CDK13: variants seen among roughly 807,000 people sequenced by gnomAD.
CDK13 encodes cyclin dependent kinase 13, also known as cyclin-dependent kinase 13.
In CDK13, 40 loss-of-function variants were observed where a neutral mutation model predicts 137.6. The ratio of observed to expected loss-of-function variants is 0.29; its 90% confidence interval spans 0.23 to 0.38. CDK13 has a LOEUF of 0.38. Ranked by LOEUF, CDK13 falls within the 10% of genes least tolerant of loss-of-function variation. CDK13 has a pLI of 1.00. For synonymous variants in CDK13, 869 were observed against 760.1 expected (o/e 1.14, Z -2.36); for missense variants, 1,704 against 1,951.8 (o/e 0.87, Z 2.39).
rs1787084600 is a variant in CDK13 at position 40,098,258 on chromosome 7, TGAA to T, written c.*3279_*3281del. ...AAATATCAAGACTTCTTGAGAAAAA[TGAA>T]AAGTGAATACATAAATGCTTAAAAT... On this transcript the variant is annotated 3_prime_UTR_variant, in exon 14 of 14. Coordinates refer to ENST00000181839, the MANE Select transcript of CDK13 (RefSeq NM_003718.5). The T allele has an allele frequency of 3.9e-5, 6 of 152,220 alleles. No homozygotes were observed. In the South Asian group the frequency reaches 1.2e-3, roughly 32 times the overall value. 9.4% of individuals were successfully genotyped at this position (152,220 alleles called of 1,614,324 possible).
intron 11 of CDK13, among the ~76,000 whole-genome samples, chr7:40,087,131 T>C (rs1786805514): frequency 6.6e-6 from 1 of 152,010 alleles, no homozygotes; most frequent in Admixed American, 6.6e-5. Flanking sequence ...CCATATCTGG[T>C]TTCTGCAAAT....
intron 1 of CDK13, among the ~76,000 whole-genome samples, chr7:39,955,773 A>G (rs767177436): frequency 2.7e-4 from 41 of 152,238 alleles, no homozygotes; most frequent in Non-Finnish European, 3.8e-4. Context: ...CATTTCTTGA[A>G]GACATTAATT....
At chr7:39,966,757 T>G (rs1783881301) in intron 1 of CDK13, among the ~76,000 whole-genome samples, 1 of 152,134 alleles carries the variant, frequency 6.6e-6, no homozygotes. Flanking sequence ...CTACCTTTGG[T>G]CTTTGATGAT....
intron 11 of CDK13, among the ~76,000 whole-genome samples, chr7:40,079,291 C>T (rs1332691004): frequency 1.3e-5 from 2 of 152,042 alleles, no homozygotes; most frequent in African/African-American, 4.8e-5. Flanking sequence ...TGGTGGCAGG[C>T]GCCTGTAATC....
At chr7:39,993,241 C>G (rs1160784572) in intron 2 of CDK13, among the ~76,000 whole-genome samples, 4 of 152,098 alleles carry the variant, frequency 2.6e-5, no homozygotes, top group African/African-American at 9.7e-5. Flanking sequence ...ATTAGCTGGC[C>G]TTGTTTTGTA....
chr7:39,959,057 C>T (rs1271955115), intron 1 of CDK13, among the ~76,000 whole-genome samples: 1 of 152,140 alleles, frequency 6.6e-6, no homozygotes, highest in Non-Finnish European at 1.5e-5. Flanking sequence ...TTCCAAAGTG[C>T]TGGGATTATA....
intron 1 of CDK13, among the ~76,000 whole-genome samples, chr7:39,968,222 G>A (rs1783915189): frequency 6.6e-6 from 1 of 152,144 alleles, no homozygotes; most frequent in East Asian, 1.9e-4. Flanking sequence ...CTTTGCAGAG[G>A]CTTTTTAATT....
intron 5 of CDK13, among the ~76,000 whole-genome samples, chr7:40,035,798 C>G (rs1249314931): frequency 7.5e-6 from 1 of 132,592 alleles, no homozygotes; most frequent in African/African-American, 2.7e-5. Context: ...ATCCCCCCAT[C>G]CCCAGTCCAT....
chr7:40,015,098 A>G (rs888608295), intron 5 of CDK13, among the ~76,000 whole-genome samples: 2 of 152,258 alleles, frequency 1.3e-5, no homozygotes, highest in Non-Finnish European at 2.9e-5. Flanking sequence ...TTAAAGGAAA[A>G]AAGCTCAAAT....
chr7:40,077,215 A>G (rs1021620802), intron 9 of CDK13, among the ~76,000 whole-genome samples: 1 of 152,192 alleles, frequency 6.6e-6, no homozygotes, highest in African/African-American at 2.4e-5. Flanking sequence ...GGGTCCTTCC[A>G]TTGATGGCAG....
chr7:39,957,393 T>C (rs1385222556), intron 1 of CDK13, among the ~76,000 whole-genome samples: 1 of 147,232 alleles, frequency 6.8e-6, no homozygotes, highest in East Asian at 1.9e-4. Flanking sequence ...GCTGCCTTTG[T>C]GTTTTCCCTA....
chr7:39,963,230 A>G lies in CDK13; in HGVS notation c.1211+11378A>G, dbSNP rs1458329966. Among the ~76,000 whole-genome samples the G allele has an allele frequency of 3.3e-5, 5 of 152,218 alleles. No homozygotes were observed. The South Asian group carries it at 6.2e-4, about 19-fold the overall frequency. ...TACCTTGGGCAGTATGGCCATTTTC[A>G]TGATATTGATTCTTCCTACCCATGA... On this transcript the variant is annotated intron_variant, in intron 1 of 13. Coordinates refer to ENST00000181839, the MANE Select transcript of CDK13 (RefSeq NM_003718.5).
At chr7:40,015,756 A>C (rs979562262) in intron 5 of CDK13, among the ~76,000 whole-genome samples, 2 of 152,204 alleles carry the variant, frequency 1.3e-5, no homozygotes, top group African/African-American at 4.8e-5. Flanking sequence ...AGTTTAAAAA[A>C]AAAATTTTTT....
intron 11 of CDK13, among the ~76,000 whole-genome samples, chr7:40,082,140 A>G (rs1165940165): frequency 6.6e-6 from 1 of 152,162 alleles, no homozygotes. Flanking sequence ...TGTCATAGTT[A>G]TATCACTGAG....
rs779234602 is a variant in CDK13 at position 39,987,800 on chromosome 7, G to A, written c.1413G>A (p.Ala471=). The change falls in exon 2 of 14, where the codon GCG becomes GCA. Residue 471 remains alanine (A), a synonymous_variant. Coordinates refer to ENST00000181839, the MANE Select transcript of CDK13 (RefSeq NM_003718.5). ...AGGCAGCAAGAGCCGCAGAAGCAGC[G>A]AAAGCTGCAGAAGCAACTAAGGCTG... The part of the protein sequence containing the change: ...AAEAARAAEA[A]KAAEATKAAE... 2.0e-5 allele frequency: 32 copies of A among 1,613,610 alleles called. No individual in the cohort carries two copies. The highest frequency in any genetic ancestry group is 1.9e-4 in the South Asian group (17 of 91,038).
rs192198143 is a variant in CDK13, at chr7:39,960,957, A to G, written c.1211+9105A>G. ...TTACCTGTGGAGGGCTTCAATCAAG[A>G]TAATTAAGAAATCAGTCACATCACA... On this transcript the variant is annotated intron_variant, in intron 1 of 13. Transcript: ENST00000181839. Among the ~76,000 whole-genome samples, 524 of 152,358 alleles carry G rather than the reference A, an allele frequency of 3.4e-3. 2 individuals are homozygous for G. Among genetic ancestry groups the G allele is most frequent in the Non-Finnish European group, 6.4e-3 (435 of 68,024 alleles).
At chr7:39,953,107 A>C (rs1336497170) in intron 1 of CDK13, among the ~76,000 whole-genome samples, 1 of 152,200 alleles carries the variant, frequency 6.6e-6, no homozygotes, top group Non-Finnish European at 1.5e-5. Context: ...CAAAATTAGC[A>C]GACCTTTTTG....
chr7:40,060,539 A>T (rs779623348), intron 7 of CDK13, among the ~76,000 whole-genome samples: 3 of 152,186 alleles, frequency 2.0e-5, no homozygotes, highest in Admixed American at 1.3e-4. Flanking sequence ...ACCTGTGCCC[A>T]GCATTGTTTG....
At chr7:40,053,249 A>G (rs1260818845) in intron 7 of CDK13, among the ~76,000 whole-genome samples, 2 of 152,098 alleles carry the variant, frequency 1.3e-5, no homozygotes, top group African/African-American at 2.4e-5. Context: ...GTTTATTGGA[A>G]ATCTCTACCC....
Sources: gnomAD v4.1 joint callset for allele counts (sites outside exome capture counted in the v4.1 genomes callset) on GRCh38, gnomAD v4.1.1 for gene constraint, MANE v1.5 for transcripts, NCBI Gene and HGNC (gene_info 2026-07-23, HGNC 2026-07-21) for gene names.